PTPRG: variants seen among roughly 807,000 people sequenced by gnomAD.
PTPRG encodes receptor-type tyrosine-protein phosphatase gamma.
In PTPRG, 102 loss-of-function variants were observed where a neutral mutation model predicts 165.3. The ratio of observed to expected loss-of-function variants is 0.62; its 90% confidence interval spans 0.53 to 0.73. The LOEUF (loss-of-function observed/expected upper bound fraction) is 0.73. Among genes scored for constraint, PTPRG ranks in the 30% least tolerant of loss-of-function variants. PTPRG has a pLI of 0.00. For missense variants in PTPRG, 1,866 were observed against 1,861.4 expected, an observed-to-expected ratio of 1.00 and a Z score of -0.05; for synonymous variants, 675 against 669.5, an observed-to-expected ratio of 1.01 and a Z score of -0.13.
At chr3:62,215,792 C>T (rs1046788114) in intron 12 of PTPRG, among the ~76,000 whole-genome samples, 15 of 152,276 alleles carry the variant, frequency 9.9e-5, no homozygotes, top group African/African-American at 3.6e-4. Context: ...GACATTATCA[C>T]CAACACAGAG....
At chr3:61,847,001 T>A (rs2036825067) in intron 2 of PTPRG, among the ~76,000 whole-genome samples, 1 of 152,116 alleles carries the variant, frequency 6.6e-6, no homozygotes. Flanking sequence ...CACATTCAAA[T>A]AGATGGAAAA....
In PTPRG at chr3:62,043,303, C is replaced by T. The variant is rs1025922499; in HGVS notation, c.520-34860C>T. ...AACATAATTTTGTTTATTTTCATAT[C>T]CTATTTTCTCTTTCCAGCTGCACAC... is the stretch of plus-strand genomic sequence containing the variant. On this transcript the variant is annotated intron_variant, in intron 4 of 29. Transcript: ENST00000474889. Among the ~76,000 whole-genome samples the T allele has an allele frequency of 2.0e-5, 3 of 152,238 alleles. No individual in the cohort carries two copies. In the East Asian group the frequency reaches 5.8e-4, roughly 29 times the overall value.
At position 61,818,021 on chromosome 3, in the gene PTPRG, T is replaced by A. The variant is rs543319059; in HGVS notation, c.190+69039T>A. 2.0e-5 allele frequency among the ~76,000 whole-genome samples: 3 copies of A among 152,210 alleles called. No homozygotes were observed. In the South Asian group the frequency reaches 6.2e-4, roughly 32 times the overall value. On this transcript the variant is annotated intron_variant, in intron 2 of 29. Coordinates refer to ENST00000474889, the MANE Select transcript of PTPRG (RefSeq NM_002841.4). ...ACAGGTCTGTGAAAGCAGAAGGTCA[T>A]AGTGTTTGGAATCACTTTGTGAAAA... is the stretch of plus-strand genomic sequence containing the variant.
At chr3:61,880,947 C>CTTTTTTT (rs199965020) in intron 2 of PTPRG, among the ~76,000 whole-genome samples, 1 of 139,308 alleles carries the variant, frequency 7.2e-6, no homozygotes, top group Non-Finnish European at 1.6e-5. Flanking sequence ...GCTATGCTGT[C>CTTTTTTT]TTTTTTTTTT....
At chr3:62,102,322 T>G (rs1007242995) in intron 5 of PTPRG, among the ~76,000 whole-genome samples, 1 of 152,188 alleles carries the variant, frequency 6.6e-6, no homozygotes, top group African/African-American at 2.4e-5. Context: ...TTGCCCAGGC[T>G]GGAGTGCAGT....
intron 2 of PTPRG, among the ~76,000 whole-genome samples, chr3:61,938,975 A>G (rs778141343): frequency 1.3e-5 from 2 of 152,224 alleles, no homozygotes; most frequent in Admixed American, 6.5e-5. Context: ...AGATTCAGAC[A>G]TCAATCATAT....
At chr3:61,718,463 A>T (rs1264930021) in intron 1 of PTPRG, among the ~76,000 whole-genome samples, 1 of 152,112 alleles carries the variant, frequency 6.6e-6, no homozygotes, top group African/African-American at 2.4e-5. Context: ...GGGTTAAAAG[A>T]CTACACAATC....
intron 1 of PTPRG, among the ~76,000 whole-genome samples, chr3:61,651,054 A>T (rs1372380415): frequency 7.2e-5 from 11 of 151,856 alleles, no homozygotes; most frequent in Non-Finnish European, 1.3e-4. Flanking sequence ...GTGTATGTTT[A>T]TATTTTTTTC....
chr3:61,689,785 T>C (rs1025221686), intron 1 of PTPRG, among the ~76,000 whole-genome samples: 2 of 152,182 alleles, frequency 1.3e-5, no homozygotes, highest in Non-Finnish European at 2.9e-5. Flanking sequence ...GATGACAAAA[T>C]AGAAGAAATC....
At chr3:61,816,323 A>G (rs2035761026) in intron 2 of PTPRG, among the ~76,000 whole-genome samples, 1 of 152,174 alleles carries the variant, frequency 6.6e-6, no homozygotes, top group Non-Finnish European at 1.5e-5. Flanking sequence ...TGAGGTTAGG[A>G]GTTTGAGACC....
At position 61,617,265 on chromosome 3, in the gene PTPRG, G is replaced by C. The variant is rs993972019; in HGVS notation, c.85+54893G>C. Among the ~76,000 whole-genome samples, 8 of 152,292 alleles carry C rather than the reference G, an allele frequency of 5.3e-5. No homozygotes were observed. In the South Asian group the frequency reaches 6.2e-4, roughly 12 times the overall value. On this transcript the variant is annotated intron_variant, in intron 1 of 29. Coordinates refer to ENST00000474889, the MANE Select transcript of PTPRG (RefSeq NM_002841.4). ...CAGTCTACTATAGAGAGGTCAACTT[G>C]TTTGCCAAGGGCTAACTTGTTAATA...
intron 2 of PTPRG, among the ~76,000 whole-genome samples, chr3:61,895,897 C>T (rs561456125): frequency 2.6e-5 from 4 of 152,124 alleles, no homozygotes; most frequent in Admixed American, 6.6e-5. Flanking sequence ...ATTGTAGGTT[C>T]ACATACAGTT....
At chr3:62,100,665 C>T (rs534720568) in intron 5 of PTPRG, among the ~76,000 whole-genome samples, 1 of 152,188 alleles carries the variant, frequency 6.6e-6, no homozygotes, top group Non-Finnish European at 1.5e-5. Context: ...CTCTCAGTTC[C>T]CATCTCTTAA....
intron 2 of PTPRG, among the ~76,000 whole-genome samples, chr3:61,877,933 T>C (rs1250622892): frequency 6.6e-6 from 1 of 152,216 alleles, no homozygotes; most frequent in Admixed American, 6.5e-5. Context: ...ATTCTTTGAG[T>C]TTAATCTTAA....
Position 62,240,063 on chromosome 3 carries a change from T to A in PTPRG, c.2376-3744T>A, listed in dbSNP as rs1159929635. 6.6e-6 allele frequency among the ~76,000 whole-genome samples: 1 copy of A among 152,162 alleles called. No individual in the cohort carries two copies. Among genetic ancestry groups the A allele is most frequent in the Admixed American group, 6.5e-5 (1 of 15,272 alleles). ...AATAGATAGTTATTAAAGGAATAAA[T>A]TAAATACCAGCATTGTAATGCCTCC... On this transcript the variant is annotated intron_variant, in intron 14 of 29. Coordinates refer to ENST00000474889, the MANE Select transcript of PTPRG (RefSeq NM_002841.4). The surrounding 1 kb of genome is among the most constrained non-coding windows in gnomAD (Gnocchi z 5.1).
chr3:62,034,309 A>G (rs918748484), intron 4 of PTPRG, among the ~76,000 whole-genome samples: 19 of 152,328 alleles, frequency 1.2e-4, no homozygotes, highest in South Asian at 1.0e-3. Flanking sequence ...TTAAAGGGTC[A>G]ACTGTATTTT....
chr3:61,886,994 G>A (rs1575753808), intron 2 of PTPRG, among the ~76,000 whole-genome samples: 1 of 151,206 alleles, frequency 6.6e-6, no homozygotes, highest in East Asian at 2.0e-4. Context: ...GCAAACCAGT[G>A]AAGCATCTTG....
intron 2 of PTPRG, among the ~76,000 whole-genome samples, chr3:61,868,459 T>G (rs1387203488): frequency 1.3e-5 from 2 of 152,226 alleles, no homozygotes; most frequent in African/African-American, 4.8e-5. Context: ...CTCTGCTGCC[T>G]GATGCACTGC....
intron 2 of PTPRG, among the ~76,000 whole-genome samples, chr3:61,983,315 CATTA>C (rs1245722720): frequency 2.0e-5 from 3 of 151,956 alleles, no homozygotes; most frequent in Admixed American, 6.6e-5. Flanking sequence ...GGATAAAAAG[CATTA>C]ATTATAATAG....
Sources: gnomAD v4.1 joint callset for allele counts (sites outside exome capture counted in the v4.1 genomes callset) on GRCh38, gnomAD v4.1.1 for gene constraint, Gnocchi (gnomAD v3.1) non-coding constraint, MANE v1.5 for transcripts, NCBI Gene and HGNC (gene_info 2026-07-23, HGNC 2026-07-21) for gene names.